Variants in ADCK2 observed in about 807,000 individuals in gnomAD.
The protein encoded by ADCK2 is aarF domain containing kinase 2.
Under a neutral mutation model 52.3 loss-of-function variants are expected in ADCK2, and 37 were observed. The ratio of observed to expected loss-of-function variants is 0.71; its 90% CI spans 0.54 to 0.93. The LOEUF is 0.93. Among genes scored for constraint, ADCK2 ranks in the 40% least tolerant of loss-of-function variants. The pLI is 0.00. For synonymous variants in ADCK2, 321 were observed against 349.2 expected, an observed-to-expected ratio of 0.92 and a Z score of 0.90; for missense variants, 695 against 798.7, an observed-to-expected ratio of 0.87 and a Z score of 1.56.
intron 5 of ADCK2, among the ~76,000 whole-genome samples, chr7:140,687,994 CA>C (rs1794636059): frequency 1.3e-5 from 2 of 151,344 alleles, no homozygotes; most frequent in African/African-American, 4.9e-5. Flanking sequence ...GCTAGGACTA[CA>C]GGCTGGGCAG....
chr7:140,694,880 G>A lies in ADCK2; in HGVS notation c.*77G>A, dbSNP rs971191455. The A allele has an allele frequency of 2.1e-5, 32 of 1,507,858 alleles. No homozygotes were observed. Among genetic ancestry groups the A allele is most frequent in the South Asian group, 2.0e-4 (15 of 75,264 alleles). 93.4% of individuals were successfully genotyped at this position (1,507,858 alleles called of 1,614,324 possible). A position where few individuals can be genotyped will look rare whatever the true frequency, so the allele number is the denominator to read the frequency against. ...GAGCCTCTCCTATGGCAGCTGGGAC[G>A]TTTTAAAATTGGGACACCAATTTCA... On this transcript the variant is annotated 3_prime_UTR_variant, in exon 8 of 8. Transcript: ENST00000072869.
Position 140,674,855 on chromosome 7 carries a change from C to T in ADCK2, c.1080+98C>T. 1 of 1,407,868 alleles carries T rather than the reference C, an allele frequency of 7.1e-7. No individual in the cohort carries two copies. Among genetic ancestry groups the T allele is most frequent in the Non-Finnish European group, 9.6e-7 (1 of 1,040,520 alleles). 87.2% of individuals were successfully genotyped at this position (1,407,868 alleles called of 1,614,324 possible). The stretch of plus-strand genomic sequence containing the variant: ...TTGAATGAATAATTTTCTGGTATGT[C>T]ATAACTCATGTGATGTGTTAGAGCT... On this transcript the variant is annotated intron_variant, in intron 2 of 7. Coordinates refer to ENST00000072869, the MANE Select transcript of ADCK2 (RefSeq NM_052853.4). This position sits in a 1 kb window ranked among gnomAD's most constrained non-coding sequence, Gnocchi z 4.6.
chr7:140,687,173 G>A lies in ADCK2; in HGVS notation c.1489G>A (p.Val497Met). The change falls in exon 5 of 8, where the codon GTG becomes ATG. Residue 497 changes from valine to methionine, a missense_variant. Transcript: ENST00000072869. ...LRLVLLDAGIVAELQAPDLRN... is the reference protein window; with the variant it reads ...LRLVLLDAGIMAELQAPDLRN... ...ACTGGTGCTGCTGGATGCTGGCATT[G>A]TGGCGGAGCTGCAGGCCCCTGACCT... 1 of 1,604,486 alleles carries A rather than the reference G, an allele frequency of 6.2e-7. No individual in the cohort carries two copies. Among genetic ancestry groups the A allele is most frequent in the Non-Finnish European group, 8.5e-7 (1 of 1,175,018 alleles).
At chr7:140,677,790 A>T (rs1794446694) in intron 2 of ADCK2, among the ~76,000 whole-genome samples, 1 of 152,176 alleles carries the variant, frequency 6.6e-6, no homozygotes, top group Admixed American at 6.5e-5. Context: ...TGGTGTCCTT[A>T]GCTTGAGCTG....
intron 2 of ADCK2, among the ~76,000 whole-genome samples, chr7:140,676,703 TA>T (rs921354562): frequency 1.7e-4 from 26 of 152,364 alleles, no homozygotes; most frequent in Middle Eastern, 3.4e-3. Flanking sequence ...TCCATTCATT[TA>T]TAAGTTTATG....
Position 140,678,734 on chromosome 7 carries a change from G to A in ADCK2, c.1081-421G>A, listed in dbSNP as rs1202456354. The stretch of plus-strand genomic sequence containing the variant: ...GCAGTGTCGATGCGGTGGGTGGAGA[G>A]CTGCCGCGAGATGAAGGGGTAGCCC... On this transcript the variant is annotated intron_variant, in intron 2 of 7. Transcript: ENST00000072869. The surrounding 1 kb of genome is among the most constrained non-coding windows in gnomAD (Gnocchi z 4.9). Among the ~76,000 whole-genome samples the A allele has an allele frequency of 6.6e-6, 1 of 152,094 alleles. No homozygotes were observed. The highest frequency in any genetic ancestry group is 1.5e-5 in the Non-Finnish European group (1 of 68,004).
At chr7:140,680,932 G>T in intron 3 of ADCK2, 110 bp from the exon 4 acceptor site, 1 of 898,752 alleles carries the variant, frequency 1.1e-6, no homozygotes, top group Non-Finnish European at 1.8e-6. Flanking sequence ...AATACTCTTT[G>T]GGTTACTTCC....
At chr7:140,683,102 A>G (rs1209224222) in intron 4 of ADCK2, among the ~76,000 whole-genome samples, 1 of 151,796 alleles carries the variant, frequency 6.6e-6, no homozygotes, top group Non-Finnish European at 1.5e-5. Context: ...GGAGATCGAG[A>G]CCATCCTGGC....
rs1794744754 is a variant in ADCK2 at position 140,693,600 on chromosome 7, T to A, written c.1741-1063T>A. 6.6e-6 allele frequency among the ~76,000 whole-genome samples: 1 copy of A among 152,204 alleles called. No individual in the cohort carries two copies. Among genetic ancestry groups the A allele is most frequent in the African/African-American group, 2.4e-5 (1 of 41,454 alleles). On this transcript the variant is annotated intron_variant, in intron 7 of 7. Coordinates refer to ENST00000072869, the MANE Select transcript of ADCK2 (RefSeq NM_052853.4). This position sits in a 1 kb window ranked among gnomAD's most constrained non-coding sequence, Gnocchi z 4.0. ...TTTCTCTATAGAATGGGGATAACGA[T>A]GATACTTTTGAAGAATAGTTGAAGA...
At chr7:140,683,462 A>C (rs138327850) in intron 4 of ADCK2, among the ~76,000 whole-genome samples, 1,769 of 152,230 alleles carry the variant, frequency 0.012, 44 homozygotes, top group African/African-American at 0.04. Flanking sequence ...CAAGTTCTCC[A>C]GCTCTCACCA....
Position 140,679,218 on chromosome 7 carries a change from G to A in ADCK2, c.1144G>A (p.Ala382Thr), listed in dbSNP as rs1263335432. The A allele has an allele frequency of 1.9e-6, 3 of 1,614,134 alleles. No individual in the cohort carries two copies. The African/African-American group carries it at 4.0e-5, about 22-fold the overall frequency. ...CCAGGTCAACTTCCGGAATGTGAAA[G>A]CCGTCAAGTTCCCCACCCCTCTGCG... ...HFQVNFRNVK[A>T]VKFPTPLRPF... The change falls in exon 3 of 8, where the codon GCC becomes ACC. Residue 382 changes from alanine (A) to threonine (T), a missense_variant. By Grantham distance (58) the Ala-to-Thr change is moderately conservative. Transcript: ENST00000072869.
Position 140,694,808 on chromosome 7 carries a change from G to T in ADCK2, c.*5G>T. 1 of 1,611,254 alleles carries T rather than the reference G, an allele frequency of 6.2e-7. No individual in the cohort carries two copies. The highest frequency in any genetic ancestry group is 8.5e-7 in the Non-Finnish European group (1 of 1,178,556). ...GGCCCAGTGTGCCCCCCGTGATGGG[G>T]CAGTGGCCTCTGTGGGCCCTTGTCA... On this transcript the variant is annotated 3_prime_UTR_variant, in exon 8 of 8. Coordinates refer to ENST00000072869, the MANE Select transcript of ADCK2 (RefSeq NM_052853.4).
chr7:140,682,539 T>A (rs567973564), intron 4 of ADCK2, among the ~76,000 whole-genome samples: 8 of 151,904 alleles, frequency 5.3e-5, no homozygotes, highest in Admixed American at 3.9e-4. Flanking sequence ...TGTGAAAGAG[T>A]TTGGACTTTA....
intron 4 of ADCK2, among the ~76,000 whole-genome samples, chr7:140,685,851 C>A (rs1187178718): frequency 6.6e-6 from 1 of 152,148 alleles, no homozygotes; most frequent in Non-Finnish European, 1.5e-5. Flanking sequence ...TCCGAGATGA[C>A]CGGTTATTGG....
In ADCK2 at chr7:140,674,657, T is replaced by C; in HGVS notation, c.980T>C (p.Leu327Pro). 1.2e-6 allele frequency: 2 copies of C among 1,614,130 alleles called. No homozygotes were observed. The highest frequency in any genetic ancestry group is 2.2e-5 in the East Asian group (1 of 44,880). ...GCTCAGGTGCATATGGACCTGCTGC[T>C]GATGAAGATTGGCAGCCGAGTCCTG... is the stretch of plus-strand genomic sequence containing the variant. ...LLAQVHMDLL[L>P]MKIGSRVLGV... The change falls in exon 2 of 8, where the codon CTG becomes CCG. Residue 327 changes from leucine to proline, a missense_variant. Transcript: ENST00000072869. This position sits in a 1 kb window ranked among gnomAD's most constrained non-coding sequence, Gnocchi z 4.6.
intron 4 of ADCK2, among the ~76,000 whole-genome samples, chr7:140,683,877 A>C (rs2130786147): frequency 6.6e-6 from 1 of 152,300 alleles, no homozygotes; most frequent in East Asian, 1.9e-4. Flanking sequence ...GGGATGGAGA[A>C]ACTTACAGGC....
Position 140,674,862 on chromosome 7 carries a change from CAT to C in ADCK2, c.1080+106_1080+107del. ...AATAATTTTCTGGTATGTCATAACT[CAT>C]GTGATGTGTTAGAGCTGGTAACACT... On this transcript the variant is annotated intron_variant, in intron 2 of 7. Transcript: ENST00000072869. This position sits in a 1 kb window ranked among gnomAD's most constrained non-coding sequence, Gnocchi z 4.6. 7.4e-7 allele frequency: 1 copy of C among 1,355,860 alleles called. No homozygotes were observed. The highest frequency in any genetic ancestry group is 1.0e-6 in the Non-Finnish European group (1 of 999,420). The allele number at this position is 1,355,860 out of a possible 1,614,324, so 84.0% of individuals were successfully genotyped here. A position where few individuals can be genotyped will look rare whatever the true frequency, so the allele number is the denominator to read the frequency against.
At chr7:140,683,299 A>G (rs951025998) in intron 4 of ADCK2, among the ~76,000 whole-genome samples, 2 of 152,156 alleles carry the variant, frequency 1.3e-5, no homozygotes, top group Admixed American at 1.3e-4. Context: ...ACAAACAAAC[A>G]AACAAACATA....
At chr7:140,691,046 C>G (rs1464414899) in intron 7 of ADCK2, among the ~76,000 whole-genome samples, 2 of 152,036 alleles carry the variant, frequency 1.3e-5, no homozygotes, top group Admixed American at 1.3e-4. Flanking sequence ...TTGCCTCAGT[C>G]TCCTGAGTAG....
Sources: allele counts gnomAD v4.1 joint callset (sites outside exome capture counted in the v4.1 genomes callset), GRCh38; gene constraint gnomAD v4.1.1; non-coding constraint Gnocchi (gnomAD v3.1); transcripts MANE v1.5; gene names NCBI Gene and HGNC (gene_info 2026-07-23, HGNC 2026-07-21).